Variants in DGKH observed in about 807,000 individuals in gnomAD.
DGKH encodes diacylglycerol kinase eta.
Under a neutral mutation model 159.3 loss-of-function variants are expected in DGKH, and 90 were observed. That is an observed-to-expected ratio of 0.57 (90% CI 0.48 to 0.67). DGKH has a LOEUF of 0.67. Ranked by LOEUF, DGKH falls within the 30% of genes least tolerant of loss-of-function variation. The probability of loss-of-function intolerance (pLI) is 0.00; values close to 1 mark genes in which losing one functional copy is unlikely to be tolerated. For missense variants in DGKH, 1,181 were observed against 1,506.1 expected (o/e 0.78, Z 3.57); for synonymous variants, 536 against 553.8 (o/e 0.97, Z 0.45).
intron 29 of DGKH, among the ~76,000 whole-genome samples, chr13:42,248,515 ATATT>A (rs995618060): frequency 1.2e-4 from 18 of 147,198 alleles, no homozygotes; most frequent in Non-Finnish European, 2.5e-4. Context: ...TAAATAATAT[ATATT>A]TATGCAATTA....
chr13:42,146,169 G>A (rs1167304298), intron 3 of DGKH, among the ~76,000 whole-genome samples: 3 of 13,522 alleles, frequency 2.2e-4, no homozygotes, highest in Admixed American at 1.4e-3. Flanking sequence ...TTTTTTTTTT[G>A]TACAGGTAAA....
chr13:42,207,125 CCTTCCTTCCT>C (rs1957518788), intron 21 of DGKH, among the ~76,000 whole-genome samples: 1 of 29,716 alleles, frequency 3.4e-5, no homozygotes, highest in African/African-American at 1.0e-4. Flanking sequence ...CTTTCTCTCT[CCTTCCTTCCT>C]TCCTTCCTTC....
intron 1 of DGKH, among the ~76,000 whole-genome samples, chr13:42,113,927 G>A (rs921904971): frequency 3.9e-5 from 6 of 152,180 alleles, no homozygotes; most frequent in African/African-American, 1.4e-4. Flanking sequence ...TGTGTGGTTT[G>A]TGTTTGGCCA....
intron 1 of DGKH, among the ~76,000 whole-genome samples, chr13:42,114,643 A>G (rs1228386234): frequency 6.6e-6 from 1 of 152,234 alleles, no homozygotes; most frequent in Non-Finnish European, 1.5e-5. Context: ...GGTAAACAAG[A>G]TAAGATCGGT....
chr13:42,207,149 CCTTCCTTCCTTCCTTCCT>C (rs1566192778), intron 21 of DGKH, among the ~76,000 whole-genome samples: 181 of 72,266 alleles, frequency 2.5e-3, no homozygotes, highest in African/African-American at 7.1e-3. Context: ...TTCCTTCCTT[CCTTCCTTCCTTCCTTCCT>C]TCCTTCCTTC....
chr13:42,204,478 C>T (rs757089017), intron 20 of DGKH, among the ~76,000 whole-genome samples: 3 of 152,168 alleles, frequency 2.0e-5, no homozygotes, highest in Non-Finnish European at 2.9e-5. Context: ...CAATCCTGGC[C>T]TTCATCCATT....
intron 1 of DGKH, chr13:42,068,982 G>A (rs1375267149): frequency 6.7e-7 from 1 of 1,489,612 alleles, no homozygotes; most frequent in Non-Finnish European, 9.3e-7. Context: ...GAATTTGAGG[G>A]GAAGATTTCA....
chr13:42,213,571 T>C (rs1957717698), intron 24 of DGKH, among the ~76,000 whole-genome samples: 2 of 152,188 alleles, frequency 1.3e-5, no homozygotes, highest in African/African-American at 4.8e-5. Context: ...TTGCTGATAA[T>C]AGTGCTGAGG....
At chr13:42,131,049 A>G (rs1013100682) in intron 3 of DGKH, among the ~76,000 whole-genome samples, 9 of 151,968 alleles carry the variant, frequency 5.9e-5, no homozygotes, top group African/African-American at 2.2e-4. Context: ...TGATGGTTCA[A>G]TTTGTTAACT....
At chr13:42,072,454 A>T (rs968143470) in intron 1 of DGKH, among the ~76,000 whole-genome samples, 1 of 152,236 alleles carries the variant, frequency 6.6e-6, no homozygotes, top group Non-Finnish European at 1.5e-5. Flanking sequence ...GAGATAAATT[A>T]TTGTATTGAT....
chr13:42,129,454 C>G, intron 2 of DGKH, 98 bp from the exon 3 acceptor site: 1 of 1,014,652 alleles, frequency 9.9e-7, no homozygotes, highest in South Asian at 1.7e-5. Context: ...CTTTTTTCCC[C>G]CATTTTCTAT....
intron 3 of DGKH, among the ~76,000 whole-genome samples, chr13:42,136,429 T>G (rs1429777760): frequency 6.6e-6 from 1 of 152,246 alleles, no homozygotes; most frequent in Non-Finnish European, 1.5e-5. Context: ...AGCTATTTAA[T>G]GATATGAAAG....
chr13:42,073,438 T>C (rs1349180486), intron 1 of DGKH, among the ~76,000 whole-genome samples: 1 of 152,218 alleles, frequency 6.6e-6, no homozygotes, highest in African/African-American at 2.4e-5. Flanking sequence ...AATACATATT[T>C]AGTGGAAAAC....
At chr13:42,168,861 A>C (rs1224000655) in intron 11 of DGKH, 43 bp downstream of exon 11, 1 of 1,558,520 alleles carries the variant, frequency 6.4e-7, no homozygotes, top group Admixed American at 1.9e-5. Flanking sequence ...AAAATGGCAT[A>C]CTGAAATCAT....
At chr13:42,072,212 A>G (rs1267037793) in intron 1 of DGKH, among the ~76,000 whole-genome samples, 2 of 152,210 alleles carry the variant, frequency 1.3e-5, no homozygotes, top group Non-Finnish European at 1.5e-5. Context: ...GAGGCAATGC[A>G]GTGTTGTGGT....
intron 1 of DGKH, chr13:42,070,948 T>C: frequency 1.5e-6 from 2 of 1,300,700 alleles, no homozygotes; most frequent in Non-Finnish European, 2.2e-6. Flanking sequence ...GACAATTTTC[T>C]TGATGGCTAC....
At chr13:42,191,900 T>C (rs1255632580) in intron 16 of DGKH, among the ~76,000 whole-genome samples, 4 of 152,192 alleles carry the variant, frequency 2.6e-5, no homozygotes, top group African/African-American at 9.6e-5. Flanking sequence ...AATCATTAAA[T>C]TTTTGCTTTT....
At chr13:42,252,733 G>T (rs533390080) in intron 30 of DGKH, among the ~76,000 whole-genome samples, 1 of 152,014 alleles carries the variant, frequency 6.6e-6, no homozygotes, top group Non-Finnish European at 1.5e-5. Context: ...GGTTGGGGAA[G>T]GTCTCATGCA....
At chr13:42,153,364 GC>G (rs1243940525) in intron 3 of DGKH, among the ~76,000 whole-genome samples, 1 of 152,176 alleles carries the variant, frequency 6.6e-6, no homozygotes, top group African/African-American at 2.4e-5. Flanking sequence ...TAGTCATCAT[GC>G]TTTACTTAGA....
Sources: allele counts gnomAD v4.1 joint callset (sites outside exome capture counted in the v4.1 genomes callset), GRCh38; gene constraint gnomAD v4.1.1; transcripts MANE v1.5; gene names NCBI Gene and HGNC (gene_info 2026-07-23, HGNC 2026-07-21).